The following CEP78 variants were observed in gnomAD, a reference collection of about 807,000 sequenced individuals.
CEP78 encodes the protein centrosomal protein 78.
In CEP78, 76 loss-of-function variants were observed where a neutral mutation model predicts 81.2. The ratio of observed to expected loss-of-function variants is 0.94; its 90% CI spans 0.78 to 1.13. The LOEUF (loss-of-function observed/expected upper bound fraction) is 1.13. Ranked by LOEUF, CEP78 falls within the 50% of genes most tolerant of loss-of-function variation. CEP78 has a pLI of 0.00. For missense variants in CEP78, 918 were observed against 846.8 expected (o/e 1.08, Z -1.04); for synonymous variants, 293 against 301.4 (o/e 0.97, Z 0.29).
chr9:78,239,916 G>A, intron 1 of CEP78, 107 bp from the exon 2 acceptor site: 1 of 889,288 alleles, frequency 1.1e-6, no homozygotes, highest in Non-Finnish European at 1.7e-6. Context: ...GTGCTTAAGA[G>A]GACTTTAAAG....
chr9:78,253,194 A>C (rs1359224531), intron 9 of CEP78, 38 bp from the exon 10 acceptor site: 1 of 884,038 alleles, frequency 1.1e-6, no homozygotes. Flanking sequence ...TGGTGTATTT[A>C]CATCAAAATA....
At chr9:78,248,465 C>A (rs1023432031) in intron 7 of CEP78, 110 bp downstream of exon 7, 13 of 720,390 alleles carry the variant, frequency 1.8e-5, no homozygotes, top group Non-Finnish European at 3.2e-5. Flanking sequence ...CAGTGATCTT[C>A]CCCCTTCCCA....
In CEP78 at chr9:78,248,820, G is replaced by A. The variant is rs1826622357; in HGVS notation, c.1016G>A (p.Arg339Lys). 6.3e-6 allele frequency: 10 copies of A among 1,599,634 alleles called. No homozygotes were observed. The highest frequency in any genetic ancestry group is 1.1e-5 in the South Asian group (1 of 88,190). The stretch of plus-strand genomic sequence containing the variant: ...CCATCCAAAACTGCTAAACAGAAAA[G>A]GAGAACTATAATTCTAGGAAGTGGT... ...KEPSKTAKQK[R>K]RTIILGSGHK... Residue 339 changes from arginine (R) to lysine (K), a missense_variant, in exon 8 of 17, where the codon AGG becomes AAG. Arg to Lys is a conservative substitution (Grantham distance 26, BLOSUM62 2). Transcript: ENST00000643273.
rs1827774529 is a variant in CEP78 at position 78,275,146 on chromosome 9, T to A, written c.*4295T>A. On this transcript the variant is annotated 3_prime_UTR_variant, in exon 17 of 17. Coordinates refer to ENST00000643273, the MANE Select transcript of CEP78 (RefSeq NM_001330691.3). ...AGAGATATTTTTAATTATGAGCACT[T>A]TTATAATTTACTATAAATAATTGTG... is the stretch of plus-strand genomic sequence containing the variant. The A allele has an allele frequency of 6.6e-6, 1 of 152,200 alleles. No homozygotes were observed. The highest frequency in any genetic ancestry group is 2.4e-5 in the African/African-American group (1 of 41,468). The allele number at this position is 152,200 out of a possible 1,614,324, so 9.4% of individuals were successfully genotyped here.
At chr9:78,268,653 A>T (rs1827621951) in intron 16 of CEP78, among the ~76,000 whole-genome samples, 1 of 151,654 alleles carries the variant, frequency 6.6e-6, no homozygotes, top group South Asian at 2.1e-4. Context: ...AGACCCTCGC[A>T]TAAATAGAAT....
At chr9:78,270,756 G>T in intron 16 of CEP78, 85 bp from the exon 17 acceptor site, 1 of 623,782 alleles carries the variant, frequency 1.6e-6, no homozygotes, top group East Asian at 3.0e-5. Flanking sequence ...GATAGGAGAT[G>T]ATTGGTTTTT....
At chr9:78,251,866 T>C in intron 8 of CEP78, 42 bp from the exon 9 acceptor site, 1 of 1,573,346 alleles carries the variant, frequency 6.4e-7, no homozygotes, top group Non-Finnish European at 8.7e-7. Flanking sequence ...CTGTAGACCT[T>C]TAGTGCATCT....
At chr9:78,261,095 T>G (rs1827253791) in intron 11 of CEP78, among the ~76,000 whole-genome samples, 1 of 151,924 alleles carries the variant, frequency 6.6e-6, no homozygotes, top group South Asian at 2.1e-4. Flanking sequence ...GGATTACAGG[T>G]GCGCACCACC....
intron 5 of CEP78, 40 bp downstream of exon 5, chr9:78,243,676 T>G: frequency 6.4e-7 from 1 of 1,558,778 alleles, no homozygotes; most frequent in Non-Finnish European, 8.8e-7. Flanking sequence ...ATATTGAATT[T>G]TTTGATATTA....
intron 1 of CEP78, among the ~76,000 whole-genome samples, chr9:78,238,720 C>A (rs992503037): frequency 6.6e-6 from 1 of 152,132 alleles, no homozygotes; most frequent in Non-Finnish European, 1.5e-5. Flanking sequence ...GGTGCAGGAA[C>A]TGTTCTGTAC....
chr9:78,244,562 T>G (rs1028559566), intron 5 of CEP78, among the ~76,000 whole-genome samples: 20 of 152,364 alleles, frequency 1.3e-4, no homozygotes, highest in African/African-American at 4.8e-4. Context: ...AAATGCTGGA[T>G]TGTGTCTATT....
intron 11 of CEP78, among the ~76,000 whole-genome samples, chr9:78,256,596 G>C (rs1376338037): frequency 1.4e-5 from 2 of 145,750 alleles, no homozygotes; most frequent in African/African-American, 5.1e-5. Context: ...GCAGTGGCGG[G>C]ATCTCGGCTC....
chr9:78,257,961 T>C (rs1428753761), intron 11 of CEP78, among the ~76,000 whole-genome samples: 1 of 152,210 alleles, frequency 6.6e-6, no homozygotes, highest in Non-Finnish European at 1.5e-5. Flanking sequence ...GTAACCTGTA[T>C]ATACACAAGA....
intron 11 of CEP78, among the ~76,000 whole-genome samples, chr9:78,262,412 T>A (rs1226708839): frequency 6.6e-6 from 1 of 152,136 alleles, no homozygotes; most frequent in Admixed American, 6.5e-5. Context: ...GTAGAGTTCC[T>A]TCCCTCAACA....
chr9:78,245,551 G>C (rs897405850), intron 5 of CEP78, among the ~76,000 whole-genome samples: 1 of 152,166 alleles, frequency 6.6e-6, no homozygotes, highest in African/African-American at 2.4e-5. Flanking sequence ...ATACAGACAT[G>C]TAGTCCATAA....
intron 5 of CEP78, among the ~76,000 whole-genome samples, chr9:78,245,217 T>C (rs867825961): frequency 4.0e-4 from 61 of 151,992 alleles, no homozygotes; most frequent in Non-Finnish European, 4.1e-4. Context: ...AACTCCATTA[T>C]AGAAGCATAT....
intron 16 of CEP78, among the ~76,000 whole-genome samples, chr9:78,267,851 A>G (rs1165622562): frequency 6.6e-6 from 1 of 152,088 alleles, no homozygotes; most frequent in African/African-American, 2.4e-5. Context: ...CTTTCCTACA[A>G]CCAGACTATG....
chr9:78,264,349 T>A (rs755530495), intron 13 of CEP78, 33 bp downstream of exon 13: 10 of 1,595,366 alleles, frequency 6.3e-6, no homozygotes, highest in Middle Eastern at 3.3e-4. Context: ...CATTCGTCCC[T>A]CCATGACTTT....
intron 16 of CEP78, among the ~76,000 whole-genome samples, chr9:78,269,968 A>C (rs1206086336): frequency 6.6e-6 from 1 of 152,250 alleles, no homozygotes; most frequent in East Asian, 1.9e-4. Flanking sequence ...GGGGATGTAC[A>C]TATTTGAATT....
Sources: gnomAD v4.1 joint callset for allele counts (sites outside exome capture counted in the v4.1 genomes callset) on GRCh38, gnomAD v4.1.1 for gene constraint, MANE v1.5 for transcripts, NCBI Gene and HGNC (gene_info 2026-07-23, HGNC 2026-07-21) for gene names.